Variants in PPM1H observed in about 807,000 individuals in gnomAD.
PPM1H encodes protein phosphatase 1H.
A neutral mutation model predicts 54.9 loss-of-function variants in PPM1H; 27 were observed. That is an observed-to-expected ratio of 0.49 (90% CI 0.36 to 0.68). The LOEUF (loss-of-function observed/expected upper bound fraction) is 0.68, where lower values mean the gene tolerates loss of function less well. Ranked by LOEUF, PPM1H falls within the 30% of genes least tolerant of loss-of-function variation. The pLI, the probability that PPM1H is intolerant of heterozygous loss-of-function variation, is 0.00. For missense variants in PPM1H, 596 were observed against 667.8 expected (o/e 0.89, Z 1.19); for synonymous variants, 305 against 270.8 (o/e 1.13, Z -1.24).
In PPM1H at chr12:62,726,752, G is replaced by C. The variant is rs73312446; in HGVS notation, c.955-6463C>G. Among the ~76,000 whole-genome samples the C allele has an allele frequency of 2.6e-5, 4 of 152,324 alleles. No homozygotes were observed. In the East Asian group the frequency reaches 7.7e-4, roughly 29 times the overall value. On this transcript the variant is annotated intron_variant, in intron 5 of 9. Transcript: ENST00000228705. ...GAATTCAGGTGACCATGACTGGCTA[G>C]AATTACTTCATTTGTACTGGTCTGT...
chr12:62,645,914 T>C lies in PPM1H; in HGVS notation c.*2575A>G, dbSNP rs2075782073. 1 of 152,194 alleles carries C rather than the reference T, an allele frequency of 6.6e-6. No individual in the cohort carries two copies. The highest frequency in any genetic ancestry group is 1.5e-5 in the Non-Finnish European group (1 of 68,024). 9.4% of individuals were successfully genotyped at this position (152,194 alleles called of 1,614,324 possible). On this transcript the variant is annotated 3_prime_UTR_variant, in exon 10 of 10. Transcript: ENST00000228705. ...ATGCACCAGGGGCCAACCCGTTATG[T>C]AGACACGGTTACTGTTTTAGGACTG...
chr12:62,747,378 C>T (rs1412007727), intron 4 of PPM1H, among the ~76,000 whole-genome samples: 3 of 152,134 alleles, frequency 2.0e-5, no homozygotes, highest in Non-Finnish European at 4.4e-5. Context: ...TCAGGTGATC[C>T]ACCCGCCTCG....
intron 4 of PPM1H, among the ~76,000 whole-genome samples, chr12:62,775,798 C>T (rs955825967): frequency 4.6e-5 from 7 of 152,214 alleles, no homozygotes; most frequent in African/African-American, 1.4e-4. Flanking sequence ...TTTCTTTGGT[C>T]CATTTCTATC....
chr12:62,839,156 G>A (rs1868625512), intron 1 of PPM1H, among the ~76,000 whole-genome samples: 1 of 152,048 alleles, frequency 6.6e-6, no homozygotes, highest in South Asian at 2.1e-4. Flanking sequence ...CAGTCTAAGT[G>A]CCATCTTGTG....
At chr12:62,819,944 A>C (rs1414223237) in intron 2 of PPM1H, among the ~76,000 whole-genome samples, 1 of 152,146 alleles carries the variant, frequency 6.6e-6, no homozygotes, top group East Asian at 1.9e-4. Flanking sequence ...GTGCAGCCCA[A>C]AGAGGGCGAG....
intron 1 of PPM1H, among the ~76,000 whole-genome samples, chr12:62,866,657 G>A (rs1256153255): frequency 2.6e-5 from 4 of 152,136 alleles, no homozygotes; most frequent in Non-Finnish European, 5.9e-5. Flanking sequence ...AGATGCCTAT[G>A]ACTCCAGCTA....
rs554433611 is a variant in PPM1H at position 62,666,595 on chromosome 12, T to C, written c.1397+583A>G. Among the ~76,000 whole-genome samples the C allele has an allele frequency of 2.0e-5, 3 of 152,322 alleles. No homozygotes were observed. In the South Asian group the frequency reaches 6.2e-4, roughly 32 times the overall value. ...ATTATTTCTACTTTAGAGGATAGCT[T>C]AGAGGAAGTAAAAATGTGAGAAAGG... On this transcript the variant is annotated intron_variant, in intron 9 of 9. Coordinates refer to ENST00000228705, the MANE Select transcript of PPM1H (RefSeq NM_020700.2).
At chr12:62,686,466 T>C (rs922341527) in intron 8 of PPM1H, among the ~76,000 whole-genome samples, 15 of 152,110 alleles carry the variant, frequency 9.9e-5, no homozygotes, top group African/African-American at 3.6e-4. Flanking sequence ...AGGGGGAGAA[T>C]AGAAAAGTCC....
At chr12:62,798,792 C>T (rs1216471613) in intron 3 of PPM1H, among the ~76,000 whole-genome samples, 2 of 152,122 alleles carry the variant, frequency 1.3e-5, no homozygotes, top group Admixed American at 1.3e-4. Context: ...TTCTCAGGCT[C>T]GGTTTGTTAC....
chr12:62,880,273 A>G (rs535895236), intron 1 of PPM1H, among the ~76,000 whole-genome samples: 32 of 152,256 alleles, frequency 2.1e-4, no homozygotes, highest in Non-Finnish European at 4.6e-4. Context: ...AACAAAGTCA[A>G]TGAATTAATT....
chr12:62,907,443 C>T (rs1871333583), intron 1 of PPM1H, among the ~76,000 whole-genome samples: 1 of 152,090 alleles, frequency 6.6e-6, no homozygotes, highest in Non-Finnish European at 1.5e-5. Context: ...GCCACCAAAC[C>T]CTGCAGGCTC....
At chr12:62,663,839 A>G (rs1184362500) in intron 9 of PPM1H, among the ~76,000 whole-genome samples, 1 of 152,142 alleles carries the variant, frequency 6.6e-6, no homozygotes, top group African/African-American at 2.4e-5. Flanking sequence ...TAAAAATACA[A>G]AATTAGCTGG....
intron 6 of PPM1H, among the ~76,000 whole-genome samples, chr12:62,713,346 C>T (rs2076217934): frequency 6.6e-6 from 1 of 152,192 alleles, no homozygotes; most frequent in Admixed American, 6.5e-5. Context: ...AGAGTGCCAG[C>T]AGCTGGTCCT....
At chr12:62,914,775 C>T (rs1414960911) in intron 1 of PPM1H, among the ~76,000 whole-genome samples, 2 of 152,304 alleles carry the variant, frequency 1.3e-5, no homozygotes, top group South Asian at 2.1e-4. Context: ...ACTCATCTAC[C>T]TACAAAGGGA....
chr12:62,658,182 ATTTTTTTTTTT>A lies in PPM1H; in HGVS notation c.1397+8985_1397+8995del, dbSNP rs1173229360. 3.2e-3 allele frequency among the ~76,000 whole-genome samples: 277 copies of A among 87,542 alleles called. 1 individual carries two copies. The highest frequency in any genetic ancestry group is 4.8e-3 in the East Asian group (14 of 2,906). The allele number at this position is 87,542 out of a possible 152,430, so 57.4% of individuals were successfully genotyped here. ...GAGACCAGCCTGGGTAACACGGTGA[ATTTTTTTTTTT>A]TTTTTTTTTTTTTTTTTTTAAGTAA... is the stretch of plus-strand genomic sequence containing the variant. On this transcript the variant is annotated intron_variant, in intron 9 of 9. Coordinates refer to ENST00000228705, the MANE Select transcript of PPM1H (RefSeq NM_020700.2).
chr12:62,803,431 G>T (rs1437929349), intron 2 of PPM1H, among the ~76,000 whole-genome samples: 1 of 152,140 alleles, frequency 6.6e-6, no homozygotes, highest in African/African-American at 2.4e-5. Context: ...AGGGTACCAA[G>T]AATACACATT....
intron 2 of PPM1H, among the ~76,000 whole-genome samples, chr12:62,813,010 ACCTGAACT>A (rs1219359681): frequency 1.3e-5 from 2 of 151,854 alleles, no homozygotes; most frequent in African/African-American, 4.8e-5. Context: ...ATCAACGTGC[ACCTGAACT>A]CCGGGGAATC....
chr12:62,863,392 T>G (rs1360961454), intron 1 of PPM1H, among the ~76,000 whole-genome samples: 3 of 152,230 alleles, frequency 2.0e-5, no homozygotes, highest in African/African-American at 7.2e-5. Context: ...AAATGTGGAC[T>G]TTATAGGCCA....
At chr12:62,777,878 C>T (rs1237163828) in intron 4 of PPM1H, among the ~76,000 whole-genome samples, 2 of 152,186 alleles carry the variant, frequency 1.3e-5, no homozygotes, top group African/African-American at 4.8e-5. Flanking sequence ...CTATGATGAA[C>T]TTTCCAAAGA....
Sources: allele counts gnomAD v4.1 joint callset (sites outside exome capture counted in the v4.1 genomes callset), GRCh38; gene constraint gnomAD v4.1.1; transcripts MANE v1.5; gene names NCBI Gene and HGNC (gene_info 2026-07-23, HGNC 2026-07-21).